PRKD1: variants seen among roughly 807,000 people sequenced by gnomAD.
PRKD1 encodes serine/threonine-protein kinase D1.
Under a neutral mutation model 95.9 loss-of-function variants are expected in PRKD1, and 63 were observed. That is an observed-to-expected ratio of 0.66 (90% CI 0.54 to 0.81). The LOEUF is 0.81. Among genes scored for constraint, PRKD1 ranks in the 30% least tolerant of loss-of-function variants. The pLI is 0.00. For missense variants in PRKD1, 1,048 were observed against 1,165.3 expected, an observed-to-expected ratio of 0.90 and a Z score of 1.47; for synonymous variants, 425 against 423.1, an observed-to-expected ratio of 1.00 and a Z score of -0.05.
intron 13 of PRKD1, among the ~76,000 whole-genome samples, chr14:29,607,547 C>A (rs754482088): frequency 2.0e-5 from 3 of 152,158 alleles, no homozygotes; most frequent in Admixed American, 6.5e-5. Flanking sequence ...TCCTCGCTGG[C>A]TGTGAGCCAA....
intron 13 of PRKD1, among the ~76,000 whole-genome samples, chr14:29,612,993 G>C (rs1878581574): frequency 6.6e-6 from 1 of 152,098 alleles, no homozygotes; most frequent in Admixed American, 6.5e-5. Context: ...AGCTACTCGG[G>C]AGGCTGAGGC....
chr14:29,642,368 A>G, intron 4 of PRKD1, among the ~76,000 whole-genome samples: 1 of 152,250 alleles, frequency 6.6e-6, no homozygotes, highest in East Asian at 1.9e-4. Flanking sequence ...TACAACATAA[A>G]GCATAATTAC....
chr14:29,764,653 C>G (rs1283985015), intron 1 of PRKD1, among the ~76,000 whole-genome samples: 1 of 152,070 alleles, frequency 6.6e-6, no homozygotes, highest in Admixed American at 6.5e-5. Flanking sequence ...CTGACATGCC[C>G]TTTTATAAAG....
chr14:29,787,215 GT>G (rs34161174), intron 1 of PRKD1, among the ~76,000 whole-genome samples: 16,433 of 85,274 alleles, frequency 0.19, 608 homozygotes, highest in South Asian at 0.23. Context: ...TTTGTTCAGT[GT>G]TTTTTTTTTT....
intron 2 of PRKD1, among the ~76,000 whole-genome samples, chr14:29,711,529 A>G (rs1276807388): frequency 1.3e-5 from 2 of 152,188 alleles, no homozygotes; most frequent in Admixed American, 6.5e-5. Context: ...GGAGATTCAC[A>G]TAATTTTAAC....
At chr14:29,610,371 C>G (rs1470479319) in intron 13 of PRKD1, among the ~76,000 whole-genome samples, 3 of 151,992 alleles carry the variant, frequency 2.0e-5, no homozygotes, top group Non-Finnish European at 4.4e-5. Flanking sequence ...TTAACAGACC[C>G]CCTTACCAAA....
Position 29,647,432 on chromosome 14 carries a change from C to G in PRKD1, c.697-8528G>C, listed in dbSNP as rs955623599. On this transcript the variant is annotated intron_variant, in intron 4 of 17. Transcript: ENST00000331968. Reference sequence around the variant, plus strand: ...ACCGAAGAAGAAAATAACTGCATGTCAACAACTTCCATTTTGGGACTTTAA... The same window carrying G: ...ACCGAAGAAGAAAATAACTGCATGTGAACAACTTCCATTTTGGGACTTTAA... Among the ~76,000 whole-genome samples the G allele has an allele frequency of 5.3e-5, 8 of 152,230 alleles. No individual in the cohort carries two copies. In the South Asian group the frequency reaches 1.7e-3, roughly 32 times the overall value.
intron 4 of PRKD1, among the ~76,000 whole-genome samples, chr14:29,651,880 G>C (rs1438836052): frequency 6.6e-6 from 1 of 152,048 alleles, no homozygotes; most frequent in Non-Finnish European, 1.5e-5. Context: ...AACTAGCTGG[G>C]ATTACAGGCA....
chr14:29,864,516 G>A (rs1892818029), intron 1 of PRKD1, among the ~76,000 whole-genome samples: 1 of 152,062 alleles, frequency 6.6e-6, no homozygotes, highest in East Asian at 1.9e-4. Context: ...GCAGTATGAT[G>A]AAAAGAAAAG....
chr14:29,656,653 T>C (rs1360625848), intron 4 of PRKD1, among the ~76,000 whole-genome samples: 2 of 152,228 alleles, frequency 1.3e-5, no homozygotes, highest in African/African-American at 4.8e-5. Flanking sequence ...AATGTTATAC[T>C]AAACAGTCTT....
At chr14:29,692,796 G>A (rs774714362) in intron 2 of PRKD1, among the ~76,000 whole-genome samples, 2 of 152,026 alleles carry the variant, frequency 1.3e-5, no homozygotes, top group Non-Finnish European at 2.9e-5. Context: ...CCTTATAGGG[G>A]GACTGATAAA....
intron 1 of PRKD1, among the ~76,000 whole-genome samples, chr14:29,861,828 T>C (rs1892720808): frequency 6.6e-6 from 1 of 152,112 alleles, no homozygotes; most frequent in Non-Finnish European, 1.5e-5. Flanking sequence ...AATTTTTTTG[T>C]ATTTTAGTAG....
intron 13 of PRKD1, among the ~76,000 whole-genome samples, chr14:29,615,213 G>A (rs1018292076): frequency 2.0e-5 from 3 of 152,090 alleles, no homozygotes; most frequent in Non-Finnish European, 2.9e-5. Flanking sequence ...AAAGGGTATC[G>A]AATGTCTATA....
intron 4 of PRKD1, among the ~76,000 whole-genome samples, chr14:29,640,631 G>A (rs540474897): frequency 2.5e-4 from 38 of 152,254 alleles, no homozygotes; most frequent in Middle Eastern, 3.4e-3. Flanking sequence ...TGGAATTAAA[G>A]AATAATTAAA....
intron 1 of PRKD1, among the ~76,000 whole-genome samples, chr14:29,835,410 G>T (rs1022120920): frequency 1.3e-5 from 2 of 152,082 alleles, no homozygotes; most frequent in African/African-American, 4.8e-5. Context: ...CCATAATACT[G>T]TAGATCTAGA....
At chr14:29,895,053 C>T (rs894532697) in intron 1 of PRKD1, among the ~76,000 whole-genome samples, 3 of 152,138 alleles carry the variant, frequency 2.0e-5, no homozygotes, top group Non-Finnish European at 2.9e-5. Context: ...AACAAATAGC[C>T]GGGCGCTGTG....
At chr14:29,804,235 T>TAA (rs34903080) in intron 1 of PRKD1, among the ~76,000 whole-genome samples, 4 of 120,242 alleles carry the variant, frequency 3.3e-5, no homozygotes, top group Admixed American at 8.7e-5. Context: ...AGAACGAAAC[T>TAA]AAAAAAAAAA....
chr14:29,709,171 G>A (rs1885224123), intron 2 of PRKD1, among the ~76,000 whole-genome samples: 1 of 152,042 alleles, frequency 6.6e-6, no homozygotes, highest in Non-Finnish European at 1.5e-5. Flanking sequence ...AGCTTACTCA[G>A]TAAACAGAGT....
intron 2 of PRKD1, among the ~76,000 whole-genome samples, chr14:29,686,652 C>T (rs1220332568): frequency 6.6e-6 from 1 of 152,294 alleles, no homozygotes; most frequent in East Asian, 1.9e-4. Flanking sequence ...CCATGTGACT[C>T]TACTAGCCCC....
Sources: allele counts gnomAD v4.1 joint callset (sites outside exome capture counted in the v4.1 genomes callset), GRCh38; gene constraint gnomAD v4.1.1; transcripts MANE v1.5; gene names NCBI Gene and HGNC (gene_info 2026-07-23, HGNC 2026-07-21).